The following PUM1 variants were observed in gnomAD, a reference collection of about 807,000 sequenced individuals.
The protein encoded by PUM1 is pumilio RNA binding family member 1.
In PUM1, 13 loss-of-function variants were observed where a neutral mutation model predicts 131.8. The ratio of observed to expected loss-of-function variants is 0.10; its 90% confidence interval spans 0.06 to 0.16. PUM1 has a LOEUF of 0.16. Among genes scored for constraint, PUM1 ranks in the 10% least tolerant of loss-of-function variants. The pLI is 1.00. For synonymous variants in PUM1, 509 were observed against 556.5 expected, an observed-to-expected ratio of 0.91 and a Z score of 1.20; for missense variants, 961 against 1,512.4, an observed-to-expected ratio of 0.64 and a Z score of 6.05.
intron 12 of PUM1, among the ~76,000 whole-genome samples, chr1:30,966,947 C>T (rs1268777335): frequency 6.6e-6 from 1 of 152,098 alleles, no homozygotes; most frequent in Non-Finnish European, 1.5e-5. Context: ...TTGCTTCTAA[C>T]CAGCTGGCAC....
intron 9 of PUM1, among the ~76,000 whole-genome samples, chr1:30,979,137 G>GAAAA (rs747020680): frequency 2.4e-5 from 3 of 125,470 alleles, no homozygotes; most frequent in African/African-American, 8.8e-5. Flanking sequence ...GAAAGAAAGA[G>GAAAA]AAAAAAAAAA....
intron 2 of PUM1, among the ~76,000 whole-genome samples, chr1:31,039,959 C>T (rs1557599829): frequency 6.6e-6 from 1 of 152,074 alleles, no homozygotes; most frequent in African/African-American, 2.4e-5. Flanking sequence ...ACCTGTAATC[C>T]CTGGGCGACA....
chr1:30,938,387 G>A (rs899590373), intron 20 of PUM1, among the ~76,000 whole-genome samples: 8 of 152,108 alleles, frequency 5.3e-5, no homozygotes, highest in Non-Finnish European at 7.4e-5. Context: ...CAAGTAGCTG[G>A]GACTATAGGC....
intron 5 of PUM1, among the ~76,000 whole-genome samples, chr1:30,997,676 A>G (rs372996867): frequency 3.7e-4 from 57 of 152,118 alleles, no homozygotes; most frequent in Non-Finnish European, 3.8e-4. Flanking sequence ...GCTCTTCTAC[A>G]TGCTGACTGG....
chr1:30,936,753 C>T lies in PUM1; in HGVS notation c.3325G>A (p.Gly1109Ser). 3.1e-6 allele frequency: 5 copies of T among 1,614,004 alleles called. No individual in the cohort carries two copies. Among genetic ancestry groups the T allele is most frequent in the Non-Finnish European group, 4.2e-6 (5 of 1,179,908 alleles). The change falls in exon 21 of 22, where the codon GGT becomes AGT. Residue 1109 changes from glycine (G) to serine (S), a missense_variant. Around this residue, in one of 4 missense-constraint regions of PUM1, gnomAD observed 178 missense variants for 327.5 expected, o/e 0.54. Transcript: ENST00000426105. ...LIDEVCTMND[G>S]PHSALYTMMK... ...ATGGTGTATAAGGCACTGTGGGGAC[C>T]GTCGTTCATGGTGCACACCTCATCG...
At chr1:31,047,379 C>T (rs1341815320) in intron 2 of PUM1, among the ~76,000 whole-genome samples, 1 of 152,188 alleles carries the variant, frequency 6.6e-6, no homozygotes, top group Non-Finnish European at 1.5e-5. Flanking sequence ...TTACCCTATC[C>T]TCAGCACTTC....
Position 30,966,224 on chromosome 1 carries a change from G to T in PUM1, c.1844C>A (p.Thr615Lys), listed in dbSNP as rs1640613417. The T allele has an allele frequency of 6.2e-7, 1 of 1,613,150 alleles. No individual in the cohort carries two copies. Among genetic ancestry groups the T allele is most frequent in the Non-Finnish European group, 8.5e-7 (1 of 1,179,258 alleles). The change falls in exon 13 of 22, where the codon ACA (threonine) becomes AAA (lysine). Residue 615 changes from threonine to lysine, a missense_variant. Coordinates refer to ENST00000426105, the MANE Select transcript of PUM1 (RefSeq NM_001020658.2). Reference sequence around the variant, plus strand: ...TAAAGGGCGAAATGGTCCATTTGTTGTTCCAGCAAGACCACCAGCTGCTCC... The same window carrying T: ...TAAAGGGCGAAATGGTCCATTTGTTTTTCCAGCAAGACCACCAGCTGCTCC... ...ANGAAGGLAGTTNGPFRPLGT... is the reference protein window; with the variant it reads ...ANGAAGGLAGKTNGPFRPLGT...
At chr1:30,941,571 T>A (rs150983614) in intron 19 of PUM1, among the ~76,000 whole-genome samples, 116 of 152,280 alleles carry the variant, frequency 7.6e-4, no homozygotes, top group African/African-American at 2.7e-3. Context: ...ACTGCACCTA[T>A]CTATAACAGA....
intron 10 of PUM1, among the ~76,000 whole-genome samples, chr1:30,974,139 T>TA (rs368751379): frequency 6.6e-6 from 1 of 151,906 alleles, no homozygotes; most frequent in Admixed American, 6.6e-5. Flanking sequence ...ATGACCTGTT[T>TA]AAAAAAATAA....
intron 12 of PUM1, chr1:30,966,497 CT>C (rs1640625193): frequency 1.9e-6 from 1 of 521,690 alleles, no homozygotes; most frequent in Non-Finnish European, 3.3e-6. Context: ...GTTCACTATG[CT>C]GGTTGCTTTT....
rs201579203 is a variant in PUM1 at position 31,037,773 on chromosome 1, G to A, written c.364-8909C>T. 1.1e-4 allele frequency among the ~76,000 whole-genome samples: 17 copies of A among 151,836 alleles called. No homozygotes were observed. The East Asian group carries it at 1.2e-3, about 10-fold the overall frequency. On this transcript the variant is annotated intron_variant, in intron 2 of 21. Coordinates refer to ENST00000426105, the MANE Select transcript of PUM1 (RefSeq NM_001020658.2). ...ATAAAAATTGGCATCATTTAGGGCC[G>A]GGCGTGGTGGCTCACACCTGTAATC...
At chr1:30,968,580 C>T (rs1322921242) in intron 10 of PUM1, 88 bp from the exon 11 acceptor site, 30 of 1,383,222 alleles carry the variant, frequency 2.2e-5, no homozygotes, top group Non-Finnish European at 2.8e-5. Context: ...ACTTTTAAAA[C>T]TTAATTGTAA....
chr1:31,036,359 A>G (rs1348467952), intron 2 of PUM1, among the ~76,000 whole-genome samples: 1 of 152,040 alleles, frequency 6.6e-6, no homozygotes, highest in Non-Finnish European at 1.5e-5. Context: ...GTGAGCCACC[A>G]TGCCCGGCCC....
rs149757554 is a variant in PUM1, at chr1:31,033,935, C to A, written c.364-5071G>T. Reference sequence around the variant, plus strand: ...GATTACAGGTATTAGCCACCGCACCCAGCCATGGAAAATAAATTCAAACAG... The same window carrying A: ...GATTACAGGTATTAGCCACCGCACCAAGCCATGGAAAATAAATTCAAACAG... On this transcript the variant is annotated intron_variant, in intron 2 of 21. Transcript: ENST00000426105. Among the ~76,000 whole-genome samples the A allele has an allele frequency of 4.4e-3, 667 of 152,218 alleles. 5 individuals are homozygous for A. Among genetic ancestry groups the A allele is most frequent in the Non-Finnish European group, 8.0e-3 (544 of 68,022 alleles).
chr1:30,974,513 G>C, intron 10 of PUM1, 138 bp downstream of exon 10: 2 of 831,862 alleles, frequency 2.4e-6, no homozygotes, highest in Non-Finnish European at 3.6e-6. Context: ...ATCTGAGCCT[G>C]AACTCAGACA....
chr1:30,941,342 T>C (rs761494532), intron 19 of PUM1, 70 bp from the exon 20 acceptor site: 11 of 1,475,100 alleles, frequency 7.5e-6, no homozygotes, highest in Non-Finnish European at 1.0e-5. Flanking sequence ...TAAGTCCTTA[T>C]ATCTAATTAA....
Position 30,964,930 on chromosome 1 carries a change from AT to A in PUM1, c.2087-21del. 6.2e-7 allele frequency: 1 copy of A among 1,600,396 alleles called. No homozygotes were observed. The highest frequency in any genetic ancestry group is 8.6e-7 in the Non-Finnish European group (1 of 1,167,494). On this transcript the variant is annotated intron_variant, in intron 13 of 21. Coordinates refer to ENST00000426105, the MANE Select transcript of PUM1 (RefSeq NM_001020658.2). ...TTGCAACTAAAATGGAATTAAAACA[AT>A]GCAGATAAGAACAGGCCTGTTCTTC...
At chr1:31,022,893 G>T (rs1253536459) in intron 3 of PUM1, among the ~76,000 whole-genome samples, 1 of 152,138 alleles carries the variant, frequency 6.6e-6, no homozygotes, top group Non-Finnish European at 1.5e-5. Context: ...TTTTGGCTGG[G>T]CGCAGTGGGT....
rs138884109 is a variant in PUM1, at chr1:31,048,962, T to C, written c.363+10242A>G. ...GGCTCACGCCTGTAATCCTAGTACT[T>C]TGGGAGGCTGAGGCGGGTAGATCAC... On this transcript the variant is annotated intron_variant, in intron 2 of 21. Coordinates refer to ENST00000426105, the MANE Select transcript of PUM1 (RefSeq NM_001020658.2). Among the ~76,000 whole-genome samples, 462 of 152,132 alleles carry C rather than the reference T, an allele frequency of 3.0e-3. 3 individuals carry two copies. Among genetic ancestry groups the C allele is most frequent in the African/African-American group, 8.8e-3 (365 of 41,522 alleles).
Sources: gnomAD v4.1 joint callset for allele counts (sites outside exome capture counted in the v4.1 genomes callset) on GRCh38, gnomAD v4.1.1 for gene constraint, gnomAD v4.1.1 regional missense constraint, MANE v1.5 for transcripts, NCBI Gene and HGNC (gene_info 2026-07-23, HGNC 2026-07-21) for gene names.